The following PIEZO2 variants were observed in gnomAD, a reference collection of about 807,000 sequenced individuals.
PIEZO2 encodes the protein piezo-type mechanosensitive ion channel component 2.
In PIEZO2, 172 loss-of-function variants were observed where a neutral mutation model predicts 337.3. The ratio of observed to expected loss-of-function variants is 0.51; its 90% CI spans 0.45 to 0.58. PIEZO2 has a LOEUF of 0.58. Among genes scored for constraint, PIEZO2 ranks in the 20% least tolerant of loss-of-function variants. PIEZO2 has a pLI of 0.00. For missense variants in PIEZO2, 3,028 were observed against 3,391.3 expected (o/e 0.89, Z 2.66); for synonymous variants, 1,251 against 1,228.5 (o/e 1.02, Z -0.38).
At chr18:11,014,321 C>A (rs180948359) in intron 2 of PIEZO2, among the ~76,000 whole-genome samples, 12 of 73,440 alleles carry the variant, frequency 1.6e-4, no homozygotes, top group African/African-American at 4.7e-4. Flanking sequence ...GACAGCGATC[C>A]GGGGCTCCCT....
intron 2 of PIEZO2, among the ~76,000 whole-genome samples, chr18:11,051,728 A>T (rs1475686064): frequency 1.3e-5 from 2 of 152,250 alleles, no homozygotes; most frequent in East Asian, 3.8e-4. Context: ...TGATAATATC[A>T]GAACGATCAA....
intron 1 of PIEZO2, among the ~76,000 whole-genome samples, chr18:11,130,638 T>A (rs2040314167): frequency 6.6e-6 from 1 of 152,138 alleles, no homozygotes; most frequent in Non-Finnish European, 1.5e-5. Flanking sequence ...GGGAAGTAAA[T>A]CCTACTAAAC....
At chr18:10,812,074 CT>C (rs1187215496) in intron 7 of PIEZO2, among the ~76,000 whole-genome samples, 3 of 152,220 alleles carry the variant, frequency 2.0e-5, no homozygotes, top group African/African-American at 7.2e-5. Context: ...ACCTCGTGAT[CT>C]GCCCGCCTTG....
At chr18:11,044,951 C>T (rs1476568734) in intron 2 of PIEZO2, among the ~76,000 whole-genome samples, 1 of 151,714 alleles carries the variant, frequency 6.6e-6, no homozygotes, top group Admixed American at 6.6e-5. Flanking sequence ...GAGTTCAACA[C>T]CAGACCAGGC....
rs1315581875 is a variant in PIEZO2 at position 10,727,042 on chromosome 18, T to TG, written c.5029+4364dup. Reference sequence around the variant, plus strand: ...GTGCTTCCACGGTCTGGGTGTTTCTTGGGGGGTGTTGGGAGGGCAGGAGCA... The same window carrying TG: ...GTGCTTCCACGGTCTGGGTGTTTCTTGGGGGGGTGTTGGGAGGGCAGGAGCA... On this transcript the variant is annotated intron_variant, in intron 36 of 55. Transcript: ENST00000674853. This position sits in a 1 kb window ranked among gnomAD's most constrained non-coding sequence, Gnocchi z 6.3. The TG allele has an allele frequency of 1.3e-5, 8 of 627,718 alleles. No homozygotes were observed. Among genetic ancestry groups the TG allele is most frequent in the Non-Finnish European group, 1.3e-5 (5 of 386,246 alleles). 38.9% of individuals were successfully genotyped at this position (627,718 alleles called of 1,614,324 possible).
chr18:10,680,611 G>A (rs1327163245), intron 51 of PIEZO2, among the ~76,000 whole-genome samples: 2 of 152,126 alleles, frequency 1.3e-5, no homozygotes, highest in East Asian at 3.9e-4. Context: ...ATACAGCTAT[G>A]GAATCATTCC....
In PIEZO2 at chr18:11,009,998, T is replaced by G. The variant is rs1328639166; in HGVS notation, c.161-30338A>C. ...ACGTCTGCTGTTGAAGCCACTCAGT[T>G]GATGGCATTTTGTTATAACAGCAAG... On this transcript the variant is annotated intron_variant, in intron 2 of 55. Coordinates refer to ENST00000674853, the MANE Select transcript of PIEZO2 (RefSeq NM_001378183.1). This position sits in a 1 kb window ranked among gnomAD's most constrained non-coding sequence, Gnocchi z 4.6. Among the ~76,000 whole-genome samples the G allele has an allele frequency of 6.6e-6, 1 of 152,140 alleles. No homozygotes were observed. Among genetic ancestry groups the G allele is most frequent in the Admixed American group, 6.5e-5 (1 of 15,284 alleles).
intron 36 of PIEZO2, among the ~76,000 whole-genome samples, chr18:10,720,397 GTGTGTGTATGTGTATGTGTATGTATATA>G (rs2036235624): frequency 2.8e-4 from 6 of 21,442 alleles, no homozygotes; most frequent in African/African-American, 7.3e-4. Flanking sequence ...GTGTGTGTGT[GTGTGTGTATGTGTATGTGTATGTATATA>G]TATATATATA....
At chr18:11,121,595 G>T (rs1221122651) in intron 1 of PIEZO2, among the ~76,000 whole-genome samples, 2 of 152,162 alleles carry the variant, frequency 1.3e-5, no homozygotes, top group African/African-American at 4.8e-5. Flanking sequence ...TGGAGCATGA[G>T]TTCATTCTCA....
intron 4 of PIEZO2, among the ~76,000 whole-genome samples, chr18:10,896,105 A>T (rs1369335964): frequency 6.6e-6 from 1 of 151,970 alleles, no homozygotes; most frequent in Non-Finnish European, 1.5e-5. Flanking sequence ...GAAAGAAAAG[A>T]AAAGTAACTT....
rs566940187 is a variant in PIEZO2, at chr18:11,027,948, C to T, written c.160+38179G>A. Among the ~76,000 whole-genome samples the T allele has an allele frequency of 7.7e-4, 118 of 152,320 alleles. 1 individual carries two copies. The highest frequency in any genetic ancestry group is 2.7e-3 in the African/African-American group (113 of 41,572). ...TTCGTAGAGTACTCTTTGATAAATT[C>T]TTCAAACACTGTTTCTGAGAATGAT... On this transcript the variant is annotated intron_variant, in intron 2 of 55. Coordinates refer to ENST00000674853, the MANE Select transcript of PIEZO2 (RefSeq NM_001378183.1). This position sits in a 1 kb window ranked among gnomAD's most constrained non-coding sequence, Gnocchi z 4.2.
rs1229407336 is a variant in PIEZO2, at chr18:10,945,992, AT to A, written c.286+33542del. On this transcript the variant is annotated intron_variant, in intron 3 of 55. Transcript: ENST00000674853. The surrounding 1 kb of genome is among the most constrained non-coding windows in gnomAD (Gnocchi z 4.0). Reference sequence around the variant, plus strand: ...AACACAGGAAAAACAGTCAATAAAAATAAAGAGTATTACTGAGGTACAGGTG... The same window carrying A: ...AACACAGGAAAAACAGTCAATAAAAAAAAGAGTATTACTGAGGTACAGGTG... 6.6e-6 allele frequency among the ~76,000 whole-genome samples: 1 copy of A among 152,238 alleles called. No individual in the cohort carries two copies. The highest frequency in any genetic ancestry group is 2.4e-5 in the African/African-American group (1 of 41,460).
At chr18:11,053,706 T>A (rs980897906) in intron 2 of PIEZO2, among the ~76,000 whole-genome samples, 1 of 152,246 alleles carries the variant, frequency 6.6e-6, no homozygotes, top group African/African-American at 2.4e-5. Flanking sequence ...TCATAAGTTA[T>A]AAGGAACCTG....
intron 3 of PIEZO2, among the ~76,000 whole-genome samples, chr18:10,919,718 A>G (rs1168546572): frequency 6.6e-6 from 1 of 152,158 alleles, no homozygotes; most frequent in Non-Finnish European, 1.5e-5. Context: ...AATTAACTCC[A>G]TCATCAAATA....
intron 10 of PIEZO2, among the ~76,000 whole-genome samples, 165 bp from the exon 11 acceptor site, chr18:10,800,640 AC>A (rs2039779087): frequency 6.6e-6 from 1 of 152,248 alleles, no homozygotes; most frequent in Non-Finnish European, 1.5e-5. Flanking sequence ...GGAATCTTGT[AC>A]ATTCCCTCTC....
chr18:10,981,317 T>A (rs190197819), intron 2 of PIEZO2, among the ~76,000 whole-genome samples: 2 of 152,276 alleles, frequency 1.3e-5, no homozygotes, highest in African/African-American at 2.4e-5. Flanking sequence ...ATAATAGATA[T>A]GAAATCCATA....
chr18:10,810,163 G>T (rs1370913388), intron 7 of PIEZO2, among the ~76,000 whole-genome samples: 1 of 152,102 alleles, frequency 6.6e-6, no homozygotes, highest in African/African-American at 2.4e-5. Context: ...TGGGTGGGGT[G>T]AGGACGCAAG....
chr18:11,061,560 T>A (rs2037958536), intron 2 of PIEZO2, among the ~76,000 whole-genome samples: 1 of 152,176 alleles, frequency 6.6e-6, no homozygotes, highest in Admixed American at 6.5e-5. Context: ...CAGCAAAGTC[T>A]CAGGATACAA....
At chr18:11,008,065 A>C (rs2035782035) in intron 2 of PIEZO2, among the ~76,000 whole-genome samples, 2 of 152,212 alleles carry the variant, frequency 1.3e-5, no homozygotes, top group African/African-American at 4.8e-5. Flanking sequence ...TATTTGACAA[A>C]AGTGCAATAT....
Sources: allele counts gnomAD v4.1 joint callset (sites outside exome capture counted in the v4.1 genomes callset), GRCh38; gene constraint gnomAD v4.1.1; non-coding constraint Gnocchi (gnomAD v3.1); transcripts MANE v1.5; gene names NCBI Gene and HGNC (gene_info 2026-07-23, HGNC 2026-07-21).